MCF2L: variants seen among roughly 807,000 people sequenced by gnomAD.
MCF2L encodes guanine nucleotide exchange factor DBS.
A neutral mutation model predicts 153.4 loss-of-function variants in MCF2L; 97 were observed. The observed-to-expected ratio is 0.63, with a 90% confidence interval of 0.54 to 0.75. The LOEUF (loss-of-function observed/expected upper bound fraction) is 0.75, where lower values mean the gene tolerates loss of function less well. Ranked by LOEUF, MCF2L falls within the 30% of genes least tolerant of loss-of-function variation. MCF2L has a pLI of 0.00. For missense variants in MCF2L, 1,347 were observed against 1,495.2 expected (o/e 0.90, Z 1.64); for synonymous variants, 659 against 632.2 (o/e 1.04, Z -0.64).
intron 3 of MCF2L, among the ~76,000 whole-genome samples, chr13:113,039,015 G>A (rs958649536): frequency 1.3e-5 from 2 of 152,082 alleles, no homozygotes; most frequent in East Asian, 1.9e-4. Context: ...CCGCCACCAC[G>A]CCCTGCTGAT....
intron 11 of MCF2L, 27 bp downstream of exon 11, chr13:113,075,216 T>C: frequency 6.5e-7 from 1 of 1,541,670 alleles, no homozygotes; most frequent in Non-Finnish European, 8.8e-7. Context: ...CCCACCCCAC[T>C]CCCCCCCAGC....
chr13:113,074,586 G>A lies in MCF2L; in HGVS notation c.1116+23G>A, dbSNP rs1409824138. On this transcript the variant is annotated intron_variant, in intron 10 of 29. Transcript: ENST00000535094. The surrounding 1 kb of genome is among the most constrained non-coding windows in gnomAD (Gnocchi z 4.2). ...GGCGTAAGGCGGGGTCCCGGCGGGGGCGGCGGGAGAGTGTGGGCAGCATCA... is the reference window on the plus strand; with the variant it reads ...GGCGTAAGGCGGGGTCCCGGCGGGGACGGCGGGAGAGTGTGGGCAGCATCA... 1.2e-6 allele frequency: 2 copies of A among 1,610,716 alleles called. No homozygotes were observed. The highest frequency in any genetic ancestry group is 1.7e-4 in the Middle Eastern group (1 of 6,038).
intron 2 of MCF2L, among the ~76,000 whole-genome samples, chr13:113,020,544 G>A (rs918226584): frequency 2.6e-5 from 4 of 152,260 alleles, no homozygotes; most frequent in Admixed American, 6.5e-5. Context: ...ACCGGCAGAT[G>A]TGCTGCCTGG....
At chr13:112,938,426 C>A (rs999793678) in intron 2 of MCF2L, among the ~76,000 whole-genome samples, 1 of 152,038 alleles carries the variant, frequency 6.6e-6, no homozygotes, top group Non-Finnish European at 1.5e-5. Context: ...CAGTAAGTGG[C>A]CTCTTGGGGC....
At chr13:113,021,686 G>A (rs1034624746) in intron 2 of MCF2L, among the ~76,000 whole-genome samples, 2 of 152,220 alleles carry the variant, frequency 1.3e-5, no homozygotes, top group African/African-American at 2.4e-5. Context: ...TGGTGGGGAG[G>A]GTTTCTCCAG....
chr13:112,971,802 C>G (rs1284379317), intron 1 of MCF2L, among the ~76,000 whole-genome samples: 1 of 152,218 alleles, frequency 6.6e-6, no homozygotes, highest in Non-Finnish European at 1.5e-5. Context: ...CCTGGCCCCC[C>G]TTCTATGTGA....
intron 5 of MCF2L, among the ~76,000 whole-genome samples, chr13:113,062,047 G>A (rs989937525): frequency 6.7e-6 from 1 of 150,258 alleles, no homozygotes; most frequent in African/African-American, 2.5e-5. Context: ...TGGCACCCAT[G>A]GGGCTCTGTG....
At chr13:113,030,274 G>C (rs940368083) in intron 3 of MCF2L, among the ~76,000 whole-genome samples, 24 of 139,374 alleles carry the variant, frequency 1.7e-4, no homozygotes, top group African/African-American at 6.2e-4. Flanking sequence ...GGTGTCCACT[G>C]ATGCAGGTGT....
At chr13:112,895,748 A>C (rs890475762) in intron 1 of MCF2L, among the ~76,000 whole-genome samples, 2 of 151,394 alleles carry the variant, frequency 1.3e-5, no homozygotes, top group African/African-American at 4.9e-5. Flanking sequence ...CTCCCTCAGG[A>C]CTCTCCTTCA....
chr13:113,000,937 C>A (rs1368703240), intron 1 of MCF2L, among the ~76,000 whole-genome samples: 8 of 152,092 alleles, frequency 5.3e-5, no homozygotes, highest in Non-Finnish European at 5.9e-5. Flanking sequence ...AGGAGATGTG[C>A]GTTGACTCCA....
intron 4 of MCF2L, among the ~76,000 whole-genome samples, chr13:113,047,865 C>T (rs1012573569): frequency 2.0e-5 from 3 of 151,822 alleles, no homozygotes; most frequent in Admixed American, 6.6e-5. Flanking sequence ...CCTCACTACG[C>T]GTGCCCCAGA....
At chr13:113,087,521 A>T in intron 22 of MCF2L, 65 bp downstream of exon 22, 1 of 1,396,732 alleles carries the variant, frequency 7.2e-7, no homozygotes. Context: ...GAAGTCTGTA[A>T]CTCGGTCTGA....
At chr13:112,987,163 G>A (rs1466942235) in intron 1 of MCF2L, among the ~76,000 whole-genome samples, 1 of 152,188 alleles carries the variant, frequency 6.6e-6, no homozygotes, top group African/African-American at 2.4e-5. Flanking sequence ...CAGGGCCGCA[G>A]ACAGCACGGG....
Position 113,098,252 on chromosome 13 carries a change from C to T in MCF2L, c.*1393C>T, listed in dbSNP as rs2035791029. 6.6e-6 allele frequency: 1 copy of T among 152,588 alleles called. No individual in the cohort carries two copies. The highest frequency in any genetic ancestry group is 2.1e-4 in the South Asian group (1 of 4,838). 9.5% of individuals were successfully genotyped at this position (152,588 alleles called of 1,614,324 possible). ...GGCTTGTAGCCGTCACTGGCCAGAC[C>T]TCCAGGGTGCGGAATCAAATAGGAA... On this transcript the variant is annotated 3_prime_UTR_variant, in exon 30 of 30. Transcript: ENST00000535094.
intron 1 of MCF2L, among the ~76,000 whole-genome samples, chr13:112,991,678 G>A (rs567035180): frequency 6.6e-5 from 10 of 152,304 alleles, no homozygotes; most frequent in African/African-American, 2.2e-4. Context: ...TGTATTTGGC[G>A]TTTGCTGTTT....
intron 2 of MCF2L, among the ~76,000 whole-genome samples, chr13:113,020,997 G>A (rs2141251506): frequency 6.8e-6 from 1 of 147,512 alleles, no homozygotes; most frequent in African/African-American, 2.5e-5. Context: ...GTGTGTGTAT[G>A]TGTAGCTGTG....
intron 2 of MCF2L, among the ~76,000 whole-genome samples, chr13:112,926,646 C>T (rs1019465891): frequency 6.6e-6 from 1 of 152,114 alleles, no homozygotes; most frequent in Admixed American, 6.5e-5. Context: ...AAGGATGAAA[C>T]CGTATCATTT....
At chr13:113,078,338 G>A (rs1308606595) in intron 13 of MCF2L, 25 bp from the exon 14 acceptor site, 1 of 1,594,570 alleles carries the variant, frequency 6.3e-7, no homozygotes. Flanking sequence ...GGGACTTCAT[G>A]CCCCGCTCCC....
intron 2 of MCF2L, among the ~76,000 whole-genome samples, chr13:112,942,242 A>G (rs2081582830): frequency 6.6e-6 from 1 of 152,206 alleles, no homozygotes; most frequent in South Asian, 2.1e-4. Context: ...TAGCAGTAGC[A>G]AATTAGTGAA....
Sources: allele counts gnomAD v4.1 joint callset (sites outside exome capture counted in the v4.1 genomes callset), GRCh38; gene constraint gnomAD v4.1.1; non-coding constraint Gnocchi (gnomAD v3.1); transcripts MANE v1.5; gene names NCBI Gene and HGNC (gene_info 2026-07-23, HGNC 2026-07-21).